The following STMND1 variants were observed in gnomAD, a reference collection of about 807,000 sequenced individuals.
The protein encoded by STMND1 is stathmin domain containing 1, also known as stathmin domain-containing protein 1.
In STMND1, 17 loss-of-function variants were observed where a neutral mutation model predicts 23.0. That is an observed-to-expected ratio of 0.74 (90% CI 0.51 to 1.11). The LOEUF is 1.11. STMND1 is among the 50% of genes least tolerant of loss of function. The pLI, the probability that STMND1 is intolerant of heterozygous loss-of-function variation, is 0.00. For missense variants in STMND1, 305 were observed against 329.1 expected (o/e 0.93, Z 0.57); for synonymous variants, 114 against 119.9 (o/e 0.95, Z 0.32).
chr6:17,116,347 T>C (rs1761159825), intron 2 of STMND1, among the ~76,000 whole-genome samples: 1 of 152,196 alleles, frequency 6.6e-6, no homozygotes, highest in Non-Finnish European at 1.5e-5. Flanking sequence ...CCTAGTACCC[T>C]GAACTTTCTA....
In STMND1 at chr6:17,130,712, GGGTGAGGTCT is replaced by G. The variant is rs1341309901; in HGVS notation, c.664_673del (p.Val222LeufsTer14). 1.3e-6 allele frequency: 2 copies of G among 1,536,066 alleles called. No individual in the cohort carries two copies. Among genetic ancestry groups the G allele is most frequent in the Admixed American group, 3.9e-5 (2 of 50,996 alleles). On this transcript the variant is annotated frameshift_variant, in exon 5 of 5. Coordinates refer to ENST00000536551, the MANE Select transcript of STMND1 (RefSeq NM_001190766.2). LOFTEE classifies it low-confidence loss of function (END_TRUNC). ...GTTGCATTTGCCAAAGGACTTCAAA[GGGTGAGGTCT>G]GCTGGATTTGAACCATCTGACCTGC...
chr6:17,122,254 T>C (rs1761244515), intron 3 of STMND1, among the ~76,000 whole-genome samples: 1 of 152,042 alleles, frequency 6.6e-6, no homozygotes, highest in Non-Finnish European at 1.5e-5. Context: ...TCTTGTTTGT[T>C]TGGGTTTTTT....
At chr6:17,119,470 G>A (rs549352581) in intron 2 of STMND1, among the ~76,000 whole-genome samples, 29 of 152,238 alleles carry the variant, frequency 1.9e-4, no homozygotes, top group African/African-American at 5.3e-4. Context: ...TCGGGAGGCC[G>A]AGACAGGCAG....
chr6:17,114,918 T>C (rs1449082714), intron 1 of STMND1, 44 bp from the exon 2 acceptor site: 4 of 1,476,376 alleles, frequency 2.7e-6, no homozygotes, highest in Middle Eastern at 2.1e-4. Context: ...TGTTTTTATT[T>C]ACCAAGAAAT....
rs1761377078 is a variant in STMND1, at chr6:17,130,590, T to A, written c.544-4T>A. The A allele has an allele frequency of 1.3e-6, 2 of 1,502,740 alleles. No individual in the cohort carries two copies. Among genetic ancestry groups the A allele is most frequent in the Non-Finnish European group, 8.8e-7 (1 of 1,132,356 alleles). The allele number at this position is 1,502,740 out of a possible 1,614,324, so 93.1% of individuals were successfully genotyped here. On this transcript the variant is annotated splice_polypyrimidine_tract_variant and splice_region_variant and intron_variant, in intron 4 of 4. Coordinates refer to ENST00000536551, the MANE Select transcript of STMND1 (RefSeq NM_001190766.2). ...CTTTTTCATTCTTTAATACTGCATT[T>A]CAGACTAAAGAAGAAGAAATAAGAA...
In STMND1 at chr6:17,107,012, G is replaced by C. The variant is rs112220617; in HGVS notation, c.81+4674G>C. ...GGAATAGATGGTCTCCAAGGACCCT[G>C]CACAATTTTTTCCTAATACCTGATA... On this transcript the variant is annotated intron_variant, in intron 1 of 4. Coordinates refer to ENST00000536551, the MANE Select transcript of STMND1 (RefSeq NM_001190766.2). 1.1e-3 allele frequency among the ~76,000 whole-genome samples: 175 copies of C among 152,268 alleles called. 1 individual carries two copies. Among genetic ancestry groups the C allele is most frequent in the African/African-American group, 3.8e-3 (159 of 41,558 alleles).
intron 1 of STMND1, chr6:17,110,530 G>A (rs1581367373): frequency 3.9e-6 from 1 of 256,650 alleles, no homozygotes; most frequent in East Asian, 1.0e-4. Flanking sequence ...AACACTTTGG[G>A]AGGCCGAGGT....
At chr6:17,119,163 T>C (rs1561924261) in intron 2 of STMND1, among the ~76,000 whole-genome samples, 1 of 152,130 alleles carries the variant, frequency 6.6e-6, no homozygotes, top group East Asian at 1.9e-4. Context: ...CAGAGCGCTT[T>C]AAAATGAAAA....
intron 3 of STMND1, among the ~76,000 whole-genome samples, chr6:17,127,322 G>C (rs1761321590): frequency 6.6e-6 from 1 of 152,200 alleles, no homozygotes; most frequent in Non-Finnish European, 1.5e-5. Context: ...GGCTGAGGCA[G>C]GTGGAACACC....
chr6:17,129,991 G>A (rs1309107908), intron 4 of STMND1, among the ~76,000 whole-genome samples: 1 of 152,138 alleles, frequency 6.6e-6, no homozygotes, highest in Non-Finnish European at 1.5e-5. Flanking sequence ...CTGGCCTGTA[G>A]CTAGGATTTT....
chr6:17,126,070 A>ATATATATTTTTT (rs1561925814), intron 3 of STMND1, among the ~76,000 whole-genome samples: 2 of 20,526 alleles, frequency 9.7e-5, no homozygotes, highest in African/African-American at 5.3e-4. Flanking sequence ...ATATATATAT[A>ATATATATTTTTT]TTTTTTTTTT....
At chr6:17,114,372 C>T (rs987205483) in intron 1 of STMND1, among the ~76,000 whole-genome samples, 2 of 151,604 alleles carry the variant, frequency 1.3e-5, no homozygotes, top group Non-Finnish European at 2.9e-5. Flanking sequence ...TCAAGCGATT[C>T]TCCTGCCTCA....
chr6:17,124,347 G>A (rs1761268841), intron 3 of STMND1, among the ~76,000 whole-genome samples: 1 of 152,206 alleles, frequency 6.6e-6, no homozygotes, highest in Non-Finnish European at 1.5e-5. Context: ...TCTTATGTGG[G>A]CCAATAGTAT....
chr6:17,102,900 G>A (rs969549732), intron 1 of STMND1, among the ~76,000 whole-genome samples: 1 of 152,176 alleles, frequency 6.6e-6, no homozygotes, highest in Non-Finnish European at 1.5e-5. Flanking sequence ...AGCTAATTTG[G>A]GGGCACAGCG....
intron 3 of STMND1, among the ~76,000 whole-genome samples, chr6:17,124,783 A>G (rs193232836): frequency 6.6e-6 from 1 of 152,042 alleles, no homozygotes; most frequent in Non-Finnish European, 1.5e-5. Flanking sequence ...AGATGGCTTG[A>G]GCCCAGGAGT....
chr6:17,126,034 T>TTATTTATATA lies in STMND1; in HGVS notation c.412-3075_412-3074insTTATATATAT, dbSNP rs1761290230. On this transcript the variant is annotated intron_variant, in intron 3 of 4. Transcript: ENST00000536551. ...CTCTAAGCATAAGGTGATCATTGTTTTATATATATATATATATATATATAT... is the reference window on the plus strand; with the variant it reads ...CTCTAAGCATAAGGTGATCATTGTTTTATTTATATATATATATATATATATATATATATAT... Among the ~76,000 whole-genome samples the TTATTTATATA allele has an allele frequency of 4.8e-5, 2 of 41,984 alleles. 1 individual carries two copies. Among genetic ancestry groups the TTATTTATATA allele is most frequent in the African/African-American group, 2.5e-4 (2 of 7,900 alleles). The allele number at this position is 41,984 out of a possible 152,430, so 27.5% of individuals were successfully genotyped here.
intron 1 of STMND1, among the ~76,000 whole-genome samples, chr6:17,114,133 T>C (rs1761128283): frequency 1.3e-5 from 2 of 152,162 alleles, no homozygotes; most frequent in Admixed American, 6.6e-5. Flanking sequence ...TACATTGTAA[T>C]ATATAATGAA....
chr6:17,112,281 C>T (rs1458364145), intron 1 of STMND1, among the ~76,000 whole-genome samples: 4 of 152,052 alleles, frequency 2.6e-5, no homozygotes, highest in Non-Finnish European at 5.9e-5. Flanking sequence ...TATGTTGCAA[C>T]GTATGTCAGT....
intron 1 of STMND1, among the ~76,000 whole-genome samples, chr6:17,105,576 C>T (rs989941055): frequency 2.0e-5 from 3 of 151,726 alleles, no homozygotes; most frequent in African/African-American, 7.3e-5. Context: ...ACCTGGGAGG[C>T]GGAGATTGCG....
Sources: allele counts gnomAD v4.1 joint callset (sites outside exome capture counted in the v4.1 genomes callset), GRCh38; gene constraint gnomAD v4.1.1; transcripts MANE v1.5; gene names NCBI Gene and HGNC (gene_info 2026-07-23, HGNC 2026-07-21).